Variants in CLIC4 observed in about 807,000 individuals in gnomAD.
CLIC4 encodes chloride intracellular channel protein 4.
Under a neutral mutation model 24.6 loss-of-function variants are expected in CLIC4, and 13 were observed. That is an observed-to-expected ratio of 0.53 (90% CI 0.34 to 0.84). The LOEUF is 0.84. Among genes scored for constraint, CLIC4 ranks in the 40% least tolerant of loss-of-function variants. The pLI is 0.01. For synonymous variants in CLIC4, 104 were observed against 111.3 expected (o/e 0.93, Z 0.41); for missense variants, 227 against 301.7 (o/e 0.75, Z 1.83).
intron 1 of CLIC4, 38 bp from the exon 2 acceptor site, chr1:24,797,701 TCAC>T (rs1639420118): frequency 7.1e-7 from 1 of 1,404,344 alleles, no homozygotes; most frequent in Non-Finnish European, 9.9e-7. Flanking sequence ...TTGAGTATCA[TCAC>T]TTTGACCTTG....
In CLIC4 at chr1:24,748,498, TG is replaced by T. The variant is rs375465336; in HGVS notation, c.72+2874del. 4.5e-3 allele frequency among the ~76,000 whole-genome samples: 587 copies of T among 131,890 alleles called. 17 individuals are homozygous for T. The highest frequency in any genetic ancestry group is 0.015 in the African/African-American group (530 of 34,892). The allele number at this position is 131,890 out of a possible 152,430, so 86.5% of individuals were successfully genotyped here. A position where few individuals can be genotyped will look rare whatever the true frequency, so the allele number is the denominator to read the frequency against. Reference sequence around the variant, plus strand: ...TTGCACTGATACAGATCAGGTTTTTTGTTTTTTTTTTTTTTTTTTTTTTTAA... The same window carrying T: ...TTGCACTGATACAGATCAGGTTTTTTTTTTTTTTTTTTTTTTTTTTTTTAA... On this transcript the variant is annotated intron_variant, in intron 1 of 5. Coordinates refer to ENST00000374379, the MANE Select transcript of CLIC4 (RefSeq NM_013943.3).
At chr1:24,781,105 A>G (rs1194439232) in intron 1 of CLIC4, among the ~76,000 whole-genome samples, 4 of 145,964 alleles carry the variant, frequency 2.7e-5, no homozygotes, top group South Asian at 2.2e-4. Flanking sequence ...AAAAAAAAAA[A>G]GAAAGAAATT....
intron 2 of CLIC4, among the ~76,000 whole-genome samples, chr1:24,804,034 G>A (rs944448475): frequency 2.6e-5 from 4 of 152,146 alleles, no homozygotes; most frequent in Non-Finnish European, 4.4e-5. Flanking sequence ...TCTTCAGATA[G>A]TTTTATCTTC....
chr1:24,843,164 G>A lies in CLIC4; in HGVS notation c.*2227G>A, dbSNP rs1639959557. On this transcript the variant is annotated 3_prime_UTR_variant, in exon 6 of 6. Coordinates refer to ENST00000374379, the MANE Select transcript of CLIC4 (RefSeq NM_013943.3). ...GTCTATTGTGATTTTGATGAAGACA[G>A]AATTATTTTTCTCTGTAGAAACACA... The A allele has an allele frequency of 6.6e-6, 1 of 152,168 alleles. No homozygotes were observed. Among genetic ancestry groups the A allele is most frequent in the African/African-American group, 2.4e-5 (1 of 41,436 alleles). 9.4% of individuals were successfully genotyped at this position (152,168 alleles called of 1,614,324 possible).
chr1:24,756,972 C>T lies in CLIC4; in HGVS notation c.72+11347C>T, dbSNP rs375098876. ...GTGCAATGGCACGATCTCTGCTCACCGCAACCTCCGCCTCCTAGGTTCAAG... is the reference window on the plus strand; with the variant it reads ...GTGCAATGGCACGATCTCTGCTCACTGCAACCTCCGCCTCCTAGGTTCAAG... On this transcript the variant is annotated intron_variant, in intron 1 of 5. Coordinates refer to ENST00000374379, the MANE Select transcript of CLIC4 (RefSeq NM_013943.3). Among the ~76,000 whole-genome samples the T allele has an allele frequency of 8.6e-5, 13 of 151,314 alleles. 1 individual carries two copies. In the South Asian group the frequency reaches 1.0e-3, roughly 12 times the overall value.
At chr1:24,773,887 T>C (rs1260514813) in intron 1 of CLIC4, among the ~76,000 whole-genome samples, 2 of 151,272 alleles carry the variant, frequency 1.3e-5, no homozygotes, top group Non-Finnish European at 3.0e-5. Context: ...GTGTGAGCCA[T>C]TGCACCCAGC....
At position 24,748,492 on chromosome 1, in the gene CLIC4, GTTTTTTGTTTTTTTT is replaced by G. The variant is rs1638733558; in HGVS notation, c.72+2874_72+2888del. 3.2e-5 allele frequency among the ~76,000 whole-genome samples: 2 copies of G among 63,172 alleles called. 1 individual carries two copies. Among genetic ancestry groups the G allele is most frequent in the African/African-American group, 9.7e-5 (2 of 20,528 alleles). 41.4% of individuals were successfully genotyped at this position (63,172 alleles called of 152,430 possible). A position where few individuals can be genotyped will look rare whatever the true frequency, so the allele number is the denominator to read the frequency against. ...CAAACTTTGCACTGATACAGATCAG[GTTTTTTGTTTTTTTT>G]TTTTTTTTTTTTTTTAATGAGATGG... On this transcript the variant is annotated intron_variant, in intron 1 of 5. Coordinates refer to ENST00000374379, the MANE Select transcript of CLIC4 (RefSeq NM_013943.3).
At chr1:24,823,263 G>A (rs1304454477) in intron 3 of CLIC4, among the ~76,000 whole-genome samples, 1 of 152,108 alleles carries the variant, frequency 6.6e-6, no homozygotes, top group African/African-American at 2.4e-5. Context: ...GTTTTAAAGT[G>A]AACTTTTTCT....
chr1:24,813,592 T>G (rs1401617682), intron 2 of CLIC4, among the ~76,000 whole-genome samples: 1 of 150,106 alleles, frequency 6.7e-6, no homozygotes, highest in East Asian at 2.0e-4. Flanking sequence ...CTAATTTTTA[T>G]ATTTTTAGCA....
At chr1:24,760,234 C>G (rs185851881) in intron 1 of CLIC4, among the ~76,000 whole-genome samples, 1 of 151,636 alleles carries the variant, frequency 6.6e-6, no homozygotes, top group Non-Finnish European at 1.5e-5. Context: ...GGCGTGGTGG[C>G]GGGTGCCTGT....
intron 1 of CLIC4, among the ~76,000 whole-genome samples, chr1:24,787,575 C>T (rs889041924): frequency 2.6e-5 from 4 of 151,906 alleles, no homozygotes; most frequent in Admixed American, 2.6e-4. Context: ...CTCACTTTGT[C>T]ACCCAGGCTG....
At chr1:24,749,485 C>T (rs571453819) in intron 1 of CLIC4, among the ~76,000 whole-genome samples, 2 of 152,176 alleles carry the variant, frequency 1.3e-5, no homozygotes, top group South Asian at 2.1e-4. Context: ...AGCACCTTCT[C>T]AAATAGTATG....
At chr1:24,746,979 C>A (rs978053260) in intron 1 of CLIC4, among the ~76,000 whole-genome samples, 1 of 152,090 alleles carries the variant, frequency 6.6e-6, no homozygotes, top group Admixed American at 6.6e-5. Context: ...CAGAGCAAGA[C>A]CCTGTCTCAA....
chr1:24,812,000 G>A (rs1257132574), intron 2 of CLIC4, among the ~76,000 whole-genome samples: 3 of 151,946 alleles, frequency 2.0e-5, no homozygotes, highest in Admixed American at 1.3e-4. Context: ...AGTGTTTTGT[G>A]GTGTTTTCAA....
chr1:24,790,834 T>TA (rs1327473331), intron 1 of CLIC4, among the ~76,000 whole-genome samples: 1 of 151,788 alleles, frequency 6.6e-6, no homozygotes, highest in Non-Finnish European at 1.5e-5. Context: ...ATATATAAAC[T>TA]AAAAAAAAGT....
chr1:24,759,686 C>T (rs907112741), intron 1 of CLIC4, among the ~76,000 whole-genome samples: 5 of 152,144 alleles, frequency 3.3e-5, no homozygotes, highest in African/African-American at 9.7e-5. Context: ...TGGTGACTCA[C>T]GCCTGTACTC....
chr1:24,763,741 A>G (rs1246477340), intron 1 of CLIC4, among the ~76,000 whole-genome samples: 1 of 151,728 alleles, frequency 6.6e-6, no homozygotes, highest in African/African-American at 2.4e-5. Context: ...TTCCATTCCC[A>G]TTTGTTTAAA....
chr1:24,819,450 T>TTTTTC (rs1286778558), intron 3 of CLIC4, among the ~76,000 whole-genome samples: 1 of 152,134 alleles, frequency 6.6e-6, no homozygotes, highest in Admixed American at 6.5e-5. Context: ...TTTTTTTTTT[T>TTTTTC]TTTTGAGACG....
intron 1 of CLIC4, among the ~76,000 whole-genome samples, chr1:24,776,131 T>G (rs143641710): frequency 7.9e-5 from 12 of 152,316 alleles, no homozygotes; most frequent in African/African-American, 2.6e-4. Context: ...GCGAGAGATT[T>G]AGACAGATTT....
Sources: allele counts gnomAD v4.1 joint callset (sites outside exome capture counted in the v4.1 genomes callset), GRCh38; gene constraint gnomAD v4.1.1; transcripts MANE v1.5; gene names NCBI Gene and HGNC (gene_info 2026-07-23, HGNC 2026-07-21).